The following LARGE1 variants were observed in gnomAD, a reference collection of about 807,000 sequenced individuals.
LARGE1 encodes the protein xylosyl- and glucuronyltransferase LARGE1.
Under a neutral mutation model 87.6 loss-of-function variants are expected in LARGE1, and 43 were observed. The observed-to-expected ratio is 0.49, with a 90% CI of 0.38 to 0.63. The LOEUF is 0.63. LARGE1 is among the 30% of genes least tolerant of loss of function. The probability of loss-of-function intolerance (pLI) is 0.00; values close to 1 mark genes in which losing one functional copy is unlikely to be tolerated. For synonymous variants in LARGE1, 434 were observed against 394.6 expected, an observed-to-expected ratio of 1.10 and a Z score of -1.18; for missense variants, 802 against 1,000.2, an observed-to-expected ratio of 0.80 and a Z score of 2.67.
In LARGE1 at chr22:33,432,249, G is replaced by T. The variant is rs369673305; in HGVS notation, c.804C>A (p.Gly268=). 8 of 1,613,922 alleles carry T rather than the reference G, an allele frequency of 5.0e-6. No individual in the cohort carries two copies. Among genetic ancestry groups the T allele is most frequent in the Non-Finnish European group, 6.8e-6 (8 of 1,179,936 alleles). Residue 268 remains glycine (G), a synonymous_variant, in exon 7 of 15, where the codon GGC becomes GGA. Coordinates refer to ENST00000397394, the MANE Select transcript of LARGE1 (RefSeq NM_133642.5). ...FHKFKGQQVL[G]LVENQSDWYL... ...ACCAGTCACTCTGGTTCTCCACCAAGCCCAGGACTTGCTGACCTGTGAGGT... is the reference window on the plus strand; with the variant it reads ...ACCAGTCACTCTGGTTCTCCACCAATCCCAGGACTTGCTGACCTGTGAGGT...
chr22:33,371,107 T>A (rs1185044231), intron 9 of LARGE1, among the ~76,000 whole-genome samples: 1 of 151,290 alleles, frequency 6.6e-6, no homozygotes, highest in Non-Finnish European at 1.5e-5. Flanking sequence ...ATAACATGCA[T>A]TATGTTAGAT....
chr22:33,579,018 A>G (rs987562254), intron 5 of LARGE1, among the ~76,000 whole-genome samples: 3 of 152,236 alleles, frequency 2.0e-5, no homozygotes, highest in Admixed American at 6.5e-5. Context: ...CAAAGCAGGA[A>G]GGGAAGCTTG....
intron 1 of LARGE1, among the ~76,000 whole-genome samples, chr22:33,835,838 T>C (rs2035994630): frequency 6.6e-6 from 1 of 152,228 alleles, no homozygotes; most frequent in African/African-American, 2.4e-5. Context: ...ACTACCAGAA[T>C]GAGCAAAGTC....
intron 2 of LARGE1, among the ~76,000 whole-genome samples, chr22:33,716,842 T>G (rs906245660): frequency 6.6e-6 from 1 of 152,214 alleles, no homozygotes; most frequent in African/African-American, 2.4e-5. Flanking sequence ...TTGAAGACCC[T>G]GCAGCCATCC....
chr22:33,669,945 C>T (rs750857217), intron 2 of LARGE1, among the ~76,000 whole-genome samples: 2 of 152,140 alleles, frequency 1.3e-5, no homozygotes, highest in African/African-American at 2.4e-5. Context: ...ATTCATGAGG[C>T]CTTTTGCTAT....
At chr22:33,638,696 G>T (rs577807476) in intron 3 of LARGE1, among the ~76,000 whole-genome samples, 2 of 152,280 alleles carry the variant, frequency 1.3e-5, no homozygotes, top group East Asian at 3.9e-4. Flanking sequence ...ACCTTTCCTA[G>T]CAGTTTTCTT....
chr22:33,675,619 C>A (rs1028593528), intron 2 of LARGE1, among the ~76,000 whole-genome samples: 6 of 152,154 alleles, frequency 3.9e-5, no homozygotes, highest in Non-Finnish European at 7.4e-5. Flanking sequence ...GACCTAATGA[C>A]AACGGCAAAT....
intron 11 of LARGE1, among the ~76,000 whole-genome samples, chr22:33,256,288 A>G (rs1287658266): frequency 6.6e-6 from 1 of 152,210 alleles, no homozygotes; most frequent in Non-Finnish European, 1.5e-5. Context: ...TAAACCATTC[A>G]CAGAGCCAGC....
intron 7 of LARGE1, among the ~76,000 whole-genome samples, chr22:33,407,725 T>C (rs1209281025): frequency 6.6e-6 from 1 of 152,124 alleles, no homozygotes; most frequent in African/African-American, 2.4e-5. Flanking sequence ...TGCTTTCTGC[T>C]ATGCTGTGGA....
chr22:33,348,684 C>A (rs1262547542), intron 9 of LARGE1, among the ~76,000 whole-genome samples: 4 of 150,650 alleles, frequency 2.7e-5, no homozygotes, highest in Non-Finnish European at 5.9e-5. Context: ...CCTGATAGAA[C>A]AAAAAACTGA....
intron 2 of LARGE1, among the ~76,000 whole-genome samples, chr22:33,747,374 AG>A (rs1346021887): frequency 2.0e-5 from 3 of 151,810 alleles, no homozygotes; most frequent in African/African-American, 7.3e-5. Context: ...CTTTCTCTCC[AG>A]CCACCCAGAC....
At chr22:33,271,536 C>T (rs1928244379), downstream of LARGE1, among the ~76,000 whole-genome samples, 1 of 152,206 alleles carries the variant, frequency 6.6e-6, no homozygotes, top group Non-Finnish European at 1.5e-5. Context: ...GGAACCTTGT[C>T]CTTCCTCTCA....
chr22:33,398,635 C>T (rs2065831685), intron 7 of LARGE1, among the ~76,000 whole-genome samples: 1 of 152,150 alleles, frequency 6.6e-6, no homozygotes, highest in South Asian at 2.1e-4. Flanking sequence ...AAGGTATGTC[C>T]AAGTCCTGAC....
chr22:33,768,367 A>G (rs2084967612), intron 1 of LARGE1, among the ~76,000 whole-genome samples: 1 of 152,002 alleles, frequency 6.6e-6, no homozygotes, highest in African/African-American at 2.4e-5. Context: ...TATTATCATT[A>G]TTTATATTAC....
intron 2 of LARGE1, among the ~76,000 whole-genome samples, chr22:33,695,377 A>G (rs1603182492): frequency 6.6e-6 from 1 of 152,072 alleles, no homozygotes; most frequent in African/African-American, 2.4e-5. Context: ...GTGCTGGGAT[A>G]CCCAGCCGTG....
At chr22:33,694,972 G>C (rs1240721812) in intron 2 of LARGE1, among the ~76,000 whole-genome samples, 1 of 152,014 alleles carries the variant, frequency 6.6e-6, no homozygotes, top group South Asian at 2.1e-4. Context: ...CTATATCCAG[G>C]CTGCATCCCC....
chr22:33,341,075 C>T (rs1345235034), intron 9 of LARGE1, among the ~76,000 whole-genome samples: 1 of 152,070 alleles, frequency 6.6e-6, no homozygotes, highest in Non-Finnish European at 1.5e-5. Context: ...ACAAAATTCA[C>T]ATGTGGAAAG....
intron 11 of LARGE1, among the ~76,000 whole-genome samples, chr22:33,205,811 G>A (rs771698929): frequency 6.6e-6 from 1 of 151,994 alleles, no homozygotes; most frequent in African/African-American, 2.4e-5. Flanking sequence ...ACAGAGTCTC[G>A]CTGTGATGCC....
chr22:33,093,711 G>T, the LARGE1 span, among the ~76,000 whole-genome samples: 1 of 152,006 alleles, frequency 6.6e-6, no homozygotes, highest in Non-Finnish European at 1.5e-5. Flanking sequence ...CTTAAGACAG[G>T]TAAGGGAATA....
Sources: allele counts gnomAD v4.1 joint callset (sites outside exome capture counted in the v4.1 genomes callset), GRCh38; gene constraint gnomAD v4.1.1; transcripts MANE v1.5; gene names NCBI Gene and HGNC (gene_info 2026-07-23, HGNC 2026-07-21).